Variants in MRPL1 observed in about 807,000 individuals in gnomAD.
MRPL1 encodes mitochondrial ribosomal protein L1.
Under a neutral mutation model 38.0 loss-of-function variants are expected in MRPL1, and 28 were observed. That is an observed-to-expected ratio of 0.74 (90% CI 0.55 to 1.01). The LOEUF is 1.01. Among genes scored for constraint, MRPL1 ranks in the 50% least tolerant of loss-of-function variants. The probability of loss-of-function intolerance (pLI) is 0.00; values close to 1 mark genes in which losing one functional copy is unlikely to be tolerated. For missense variants in MRPL1, 358 were observed against 389.8 expected (o/e 0.92, Z 0.69); for synonymous variants, 123 against 126.7 (o/e 0.97, Z 0.20).
chr4:77,871,510 T>C (rs1735280386), intron 1 of MRPL1, among the ~76,000 whole-genome samples: 1 of 152,038 alleles, frequency 6.6e-6, no homozygotes, highest in South Asian at 2.1e-4. Context: ...TTCACCGTGT[T>C]AGCAAGGATG....
intron 7 of MRPL1, among the ~76,000 whole-genome samples, chr4:77,934,621 CAA>C (rs2110261342): frequency 6.6e-6 from 1 of 152,172 alleles, no homozygotes; most frequent in East Asian, 1.9e-4. Context: ...CTATGAAAAA[CAA>C]TATGGCAATT....
Position 77,894,704 on chromosome 4 carries a change from AAT to A in MRPL1, c.670+456_670+457del, listed in dbSNP as rs544359566. 3.7e-3 allele frequency among the ~76,000 whole-genome samples: 570 copies of A among 152,206 alleles called. 5 individuals carry two copies. Among genetic ancestry groups the A allele is most frequent in the African/African-American group, 0.013 (544 of 41,568 alleles). On this transcript the variant is annotated intron_variant, in intron 6 of 8. Transcript: ENST00000315567. Reference sequence around the variant, plus strand: ...TGGATATTTTCTCCTTAAGAAATCTAATAAGAAAGTTAAGGTCACTAAATAAG... The same window carrying A: ...TGGATATTTTCTCCTTAAGAAATCTAAAGAAAGTTAAGGTCACTAAATAAG...
At chr4:77,911,219 G>A (rs575851050) in intron 7 of MRPL1, among the ~76,000 whole-genome samples, 1 of 152,214 alleles carries the variant, frequency 6.6e-6, no homozygotes, top group South Asian at 2.1e-4. Flanking sequence ...TGGGACTGTG[G>A]AATATCCTTA....
At chr4:77,949,965 C>A in intron 8 of MRPL1, 87 bp downstream of exon 8, 6 of 650,362 alleles carry the variant, frequency 9.2e-6, no homozygotes, top group Admixed American at 2.8e-5. Context: ...AATTAACATG[C>A]AAGTATAATA....
Position 77,893,930 on chromosome 4 carries a change from A to T in MRPL1, c.559-209A>T, listed in dbSNP as rs565160954. Among the ~76,000 whole-genome samples the T allele has an allele frequency of 1.3e-3, 198 of 151,538 alleles. 2 individuals carry two copies. The highest frequency in any genetic ancestry group is 2.5e-3 in the Non-Finnish European group (167 of 67,922). On this transcript the variant is annotated intron_variant, in intron 5 of 8. Transcript: ENST00000315567. ...GAAGAAACCATTAATTTTTTTTTTT[A>T]AGGATGTGGCTGTTTTTAAAGGAAA...
At position 77,867,179 on chromosome 4, in the gene MRPL1, C is replaced by T. The variant is rs1335885129; in HGVS notation, c.31+4300C>T. The stretch of plus-strand genomic sequence containing the variant: ...TTATTTTTATTGGTATTGTCTTCCC[C>T]CTCTAGACATAAGCCCTATGAGGAT... On this transcript the variant is annotated intron_variant, in intron 1 of 8. Coordinates refer to ENST00000315567, the MANE Select transcript of MRPL1 (RefSeq NM_020236.4). Among the ~76,000 whole-genome samples, 3 of 152,156 alleles carry T rather than the reference C, an allele frequency of 2.0e-5. No homozygotes were observed. The South Asian group carries it at 6.2e-4, about 32-fold the overall frequency.
At chr4:77,879,981 C>A (rs867732726) in intron 2 of MRPL1, among the ~76,000 whole-genome samples, 1 of 152,150 alleles carries the variant, frequency 6.6e-6, no homozygotes, top group East Asian at 1.9e-4. Context: ...TGGAATTATA[C>A]GTTGAATTGG....
rs191139917 is a variant in MRPL1, at chr4:77,930,981, C to T, written c.778-18816C>T. ...AGCAGAAGACTCTAAGACTGCCAGC[C>T]AAAAGAAAGCTGCATTTAAAAGAAA... On this transcript the variant is annotated intron_variant, in intron 7 of 8. Transcript: ENST00000315567. Among the ~76,000 whole-genome samples, 3 of 152,248 alleles carry T rather than the reference C, an allele frequency of 2.0e-5. No individual in the cohort carries two copies. In the East Asian group the frequency reaches 5.8e-4, roughly 29 times the overall value.
At chr4:77,899,827 G>A (rs983575872) in intron 6 of MRPL1, among the ~76,000 whole-genome samples, 7 of 152,196 alleles carry the variant, frequency 4.6e-5, no homozygotes, top group African/African-American at 7.2e-5. Flanking sequence ...AAAAGTGAAA[G>A]TGGAGAAAGA....
At chr4:77,899,948 CTCTT>C (rs1735999330) in intron 6 of MRPL1, among the ~76,000 whole-genome samples, 1 of 152,164 alleles carries the variant, frequency 6.6e-6, no homozygotes. Context: ...GTATAGATCT[CTCTT>C]TGTCTTGTCT....
At chr4:77,914,106 G>A (rs1158503041) in intron 7 of MRPL1, among the ~76,000 whole-genome samples, 1 of 152,032 alleles carries the variant, frequency 6.6e-6, no homozygotes, top group South Asian at 2.1e-4. Context: ...AGAATGTGGA[G>A]GATATCCAAT....
chr4:77,946,120 C>T (rs914549251), intron 7 of MRPL1, among the ~76,000 whole-genome samples: 1 of 152,094 alleles, frequency 6.6e-6, no homozygotes, highest in Non-Finnish European at 1.5e-5. Context: ...AAGACAGACA[C>T]TCCCAGAGCG....
At chr4:77,869,986 G>C (rs2110228309) in intron 1 of MRPL1, among the ~76,000 whole-genome samples, 1 of 152,228 alleles carries the variant, frequency 6.6e-6, no homozygotes, top group South Asian at 2.1e-4. Flanking sequence ...TGGCTCAAGT[G>C]ATCCTGCCAC....
At chr4:77,864,122 A>G (rs1250464976) in intron 1 of MRPL1, among the ~76,000 whole-genome samples, 1 of 152,126 alleles carries the variant, frequency 6.6e-6, no homozygotes, top group African/African-American at 2.4e-5. Context: ...GAGCAAACCA[A>G]AATGTATATT....
At chr4:77,917,058 T>A (rs190860581) in intron 7 of MRPL1, among the ~76,000 whole-genome samples, 2 of 152,272 alleles carry the variant, frequency 1.3e-5, no homozygotes, top group South Asian at 4.1e-4. Context: ...AGCTTAAAAA[T>A]TTCAGTGTGA....
At chr4:77,901,917 A>G (rs1048686474) in intron 6 of MRPL1, among the ~76,000 whole-genome samples, 4 of 152,234 alleles carry the variant, frequency 2.6e-5, no homozygotes, top group African/African-American at 9.6e-5. Flanking sequence ...AACATTCACC[A>G]TGGTAGACCA....
chr4:77,904,183 G>A (rs1473750229), intron 6 of MRPL1, among the ~76,000 whole-genome samples: 2 of 151,866 alleles, frequency 1.3e-5, no homozygotes. Flanking sequence ...GGAGATTGAG[G>A]CTGCAGTGAG....
Position 77,887,280 on chromosome 4 carries a change from C to CT in MRPL1, c.548dup (p.Ile184AspfsTer7). On this transcript the variant is annotated frameshift_variant, in exon 5 of 9. Transcript: ENST00000315567. LOFTEE classifies it high-confidence loss of function. ...AGCTGCATTTGCAGGAGGCACTAGT[C>CT]TGATACAGAAGGTACAGTGTTGTTT... The CT allele has an allele frequency of 6.2e-7, 1 of 1,613,146 alleles. No homozygotes were observed. Among genetic ancestry groups the CT allele is most frequent in the Non-Finnish European group, 8.5e-7 (1 of 1,179,118 alleles).
At chr4:77,871,039 C>A (rs1221644725) in intron 1 of MRPL1, among the ~76,000 whole-genome samples, 1 of 151,682 alleles carries the variant, frequency 6.6e-6, no homozygotes, top group African/African-American at 2.4e-5. Flanking sequence ...TACATATTCC[C>A]TAATAATAGA....
Sources: gnomAD v4.1 joint callset for allele counts (sites outside exome capture counted in the v4.1 genomes callset) on GRCh38, gnomAD v4.1.1 for gene constraint, MANE v1.5 for transcripts, NCBI Gene and HGNC (gene_info 2026-07-23, HGNC 2026-07-21) for gene names.